Variants in IL1RAPL2 observed in about 807,000 individuals in gnomAD.
IL1RAPL2 encodes interleukin 1 receptor accessory protein like 2, also known as X-linked interleukin-1 receptor accessory protein-like 2.
In IL1RAPL2, 3 loss-of-function variants were observed where a neutral mutation model predicts 44.1. That is an observed-to-expected ratio of 0.07 (90% CI 0.03 to 0.18). The LOEUF (loss-of-function observed/expected upper bound fraction) is 0.18. IL1RAPL2 is among the 10% of genes least tolerant of loss of function. The probability of loss-of-function intolerance (pLI) is 1.00; values close to 1 mark genes in which losing one functional copy is unlikely to be tolerated. For missense variants in IL1RAPL2, 391 were observed against 496.4 expected, an observed-to-expected ratio of 0.79 and a Z score of 2.02; for synonymous variants, 181 against 178.8, an observed-to-expected ratio of 1.01 and a Z score of -0.10.
At chrX:105,698,326 G>A (rs1331807253) in intron 6 of IL1RAPL2, among the ~76,000 whole-genome samples, 1 of 111,619 alleles carries the variant, frequency 9.0e-6, no homozygotes, top group Non-Finnish European at 1.9e-5. Context: ...CTTTAGCAAT[G>A]CTTTTATCTG....
chrX:104,698,308 A>G (rs772615762), intron 2 of IL1RAPL2, among the ~76,000 whole-genome samples: 5 of 112,455 alleles, frequency 4.4e-5, no homozygotes, highest in Non-Finnish European at 9.4e-5. Context: ...ACTGTACTCA[A>G]AGGCAACAGC....
At position 105,374,933 on chromosome X, in the gene IL1RAPL2, G is replaced by A. The variant is rs1220262191; in HGVS notation, c.697+107392G>A. Among the ~76,000 whole-genome samples the A allele has an allele frequency of 1.5e-4, 13 of 84,640 alleles. No homozygotes were observed. In the Admixed American group the frequency reaches 1.7e-3, roughly 11 times the overall value. 73.5% of individuals were successfully genotyped at this position (84,640 alleles called of 115,157 possible). A position where few individuals can be genotyped will look rare whatever the true frequency, so the allele number is the denominator to read the frequency against. ...ACTGCACTCCAGCCTGGGTGACAGCGAGACTCCATCTCAAAAAAAAAAAAA... is the reference window on the plus strand; with the variant it reads ...ACTGCACTCCAGCCTGGGTGACAGCAAGACTCCATCTCAAAAAAAAAAAAA... On this transcript the variant is annotated intron_variant, in intron 5 of 10. Coordinates refer to ENST00000372582, the MANE Select transcript of IL1RAPL2 (RefSeq NM_017416.2).
At chrX:104,587,943 G>GC (rs1399167838) in intron 1 of IL1RAPL2, among the ~76,000 whole-genome samples, 1 of 111,910 alleles carries the variant, frequency 8.9e-6, no homozygotes, top group Admixed American at 9.5e-5. Context: ...TGTAACTGGT[G>GC]CTTAATGGGC....
At chrX:104,788,885 G>T (rs1258152289) in intron 2 of IL1RAPL2, among the ~76,000 whole-genome samples, 1 of 111,934 alleles carries the variant, frequency 8.9e-6, no homozygotes, top group Non-Finnish European at 1.9e-5. Context: ...TTGATTCTTA[G>T]TGTTGTGCCC....
rs2031384317 is a variant in IL1RAPL2, at chrX:105,026,990, A to G, written c.83-168485A>G. ...TAAACACAGATACATAGAATAATGA[A>G]ATAGAATAGAGAACCCAAAACAAAA... On this transcript the variant is annotated intron_variant, in intron 2 of 10. Coordinates refer to ENST00000372582, the MANE Select transcript of IL1RAPL2 (RefSeq NM_017416.2). 3.6e-5 allele frequency among the ~76,000 whole-genome samples: 4 copies of G among 111,374 alleles called. No homozygotes were observed. The Admixed American group carries it at 3.8e-4, about 11-fold the overall frequency.
intron 5 of IL1RAPL2, among the ~76,000 whole-genome samples, chrX:105,282,158 G>A (rs934627386): frequency 1.8e-5 from 2 of 112,036 alleles, no homozygotes; most frequent in African/African-American, 6.5e-5. Context: ...AGTTTTTGCA[G>A]CCAGCAAGAA....
intron 2 of IL1RAPL2, among the ~76,000 whole-genome samples, chrX:104,886,398 C>T (rs768753235): frequency 2.7e-4 from 30 of 111,680 alleles, no homozygotes; most frequent in African/African-American, 8.1e-4. Context: ...GCTAAAAGAC[C>T]CCACCACTTT....
At chrX:105,233,741 AC>A in intron 3 of IL1RAPL2, 76 bp from the exon 4 acceptor site, 1 of 837,119 alleles carries the variant, frequency 1.2e-6, no homozygotes, top group East Asian at 3.2e-5. Flanking sequence ...AAAAGCCAAT[AC>A]TCTTGAAATA....
Position 104,723,947 on chromosome X carries a change from C to G in IL1RAPL2, c.82+64952C>G, listed in dbSNP as rs1931736642. Among the ~76,000 whole-genome samples, 5 of 111,193 alleles carry G rather than the reference C, an allele frequency of 4.5e-5. No homozygotes were observed. In the Admixed American group the frequency reaches 4.8e-4, roughly 11 times the overall value. On this transcript the variant is annotated intron_variant, in intron 2 of 10. Coordinates refer to ENST00000372582, the MANE Select transcript of IL1RAPL2 (RefSeq NM_017416.2). ...AAAATGTTACCAACATGTGACTAAA[C>G]AGTTCACCCTGATGAAAGTCAGTAG...
chrX:104,592,429 T>C (rs1928687368), intron 1 of IL1RAPL2, among the ~76,000 whole-genome samples: 1 of 110,420 alleles, frequency 9.1e-6, no homozygotes, highest in Admixed American at 9.8e-5. Context: ...GAGTTGCAAA[T>C]GCAGACTATT....
At chrX:105,548,950 C>T (rs1455502671) in intron 6 of IL1RAPL2, among the ~76,000 whole-genome samples, 1 of 111,936 alleles carries the variant, frequency 8.9e-6, no homozygotes, top group Non-Finnish European at 1.9e-5. Flanking sequence ...AACTGAGCGT[C>T]CTCTTTTGAT....
At chrX:105,706,376 C>T (rs1011017334) in intron 6 of IL1RAPL2, among the ~76,000 whole-genome samples, 1 of 111,679 alleles carries the variant, frequency 9.0e-6, no homozygotes, top group African/African-American at 3.3e-5. Context: ...TAGCTTTATC[C>T]CATACTGGAA....
chrX:104,663,245 G>A (rs1289044356), intron 2 of IL1RAPL2, among the ~76,000 whole-genome samples: 1 of 111,457 alleles, frequency 9.0e-6, no homozygotes, highest in Non-Finnish European at 1.9e-5. Flanking sequence ...CGACCATAAA[G>A]GCAAAAGTAG....
chrX:105,218,376 C>T (rs1448147656), intron 3 of IL1RAPL2, among the ~76,000 whole-genome samples: 12 of 111,210 alleles, frequency 1.1e-4, no homozygotes, highest in Non-Finnish European at 2.1e-4. Context: ...ACCATGGCTC[C>T]GGTCCTGGCC....
intron 3 of IL1RAPL2, among the ~76,000 whole-genome samples, chrX:105,204,048 A>G (rs1453622767): frequency 8.9e-6 from 1 of 111,906 alleles, no homozygotes; most frequent in African/African-American, 3.3e-5. Flanking sequence ...TCTGACTCCA[A>G]CATTAACCTA....
chrX:105,018,013 G>C (rs986065231), intron 2 of IL1RAPL2, among the ~76,000 whole-genome samples: 1 of 111,376 alleles, frequency 9.0e-6, no homozygotes, highest in Non-Finnish European at 1.9e-5. Flanking sequence ...GACCAAAAGT[G>C]GTTCCCCCCA....
chrX:105,540,854 T>TTATATATCA (rs1444876607), intron 6 of IL1RAPL2, among the ~76,000 whole-genome samples: 1 of 94,464 alleles, frequency 1.1e-5, no homozygotes, highest in African/African-American at 4.5e-5. Flanking sequence ...CATACATATA[T>TTATATATCA]TATATATGAT....
intron 5 of IL1RAPL2, among the ~76,000 whole-genome samples, chrX:105,475,960 G>T (rs982341374): frequency 1.2e-4 from 13 of 112,165 alleles, no homozygotes; most frequent in African/African-American, 3.9e-4. Flanking sequence ...GCAACTCAGG[G>T]CAACTTCACA....
At chrX:104,639,119 CT>C (rs935483188) in intron 1 of IL1RAPL2, among the ~76,000 whole-genome samples, 6 of 111,131 alleles carry the variant, frequency 5.4e-5, no homozygotes, top group African/African-American at 1.3e-4. Context: ...ACTTTTTTGT[CT>C]TTTTTTTAAC....
Sources: allele counts gnomAD v4.1 joint callset (sites outside exome capture counted in the v4.1 genomes callset), GRCh38; gene constraint gnomAD v4.1.1; transcripts MANE v1.5; gene names NCBI Gene and HGNC (gene_info 2026-07-23, HGNC 2026-07-21).